Variants in ERC2 observed in about 807,000 individuals in gnomAD.
ERC2 encodes ERC protein 2.
ERC2 carries 42 observed loss-of-function variants against 114.8 expected under a neutral mutation model. That is an observed-to-expected ratio of 0.37 (90% CI 0.29 to 0.47). The LOEUF (loss-of-function observed/expected upper bound fraction) is 0.47. Among genes scored for constraint, ERC2 ranks in the 20% least tolerant of loss-of-function variants. The pLI, the probability that ERC2 is intolerant of heterozygous loss-of-function variation, is 0.99. For missense variants in ERC2, 939 were observed against 1,150.7 expected (o/e 0.82, Z 2.66); for synonymous variants, 454 against 425.5 (o/e 1.07, Z -0.82).
chr3:55,644,047 G>A (rs961516798), intron 17 of ERC2, among the ~76,000 whole-genome samples: 1 of 152,052 alleles, frequency 6.6e-6, no homozygotes. Flanking sequence ...CAGATGCTGA[G>A]GAGGGCAGGG....
At chr3:55,679,692 T>C (rs2061968420) in intron 17 of ERC2, among the ~76,000 whole-genome samples, 1 of 152,236 alleles carries the variant, frequency 6.6e-6, no homozygotes, top group African/African-American at 2.4e-5. Flanking sequence ...GATCCTCAGT[T>C]ATACAAAATC....
chr3:56,053,599 C>T (rs1560095422), intron 7 of ERC2, among the ~76,000 whole-genome samples: 1 of 152,162 alleles, frequency 6.6e-6, no homozygotes, highest in East Asian at 1.9e-4. Context: ...ATTCCCATTG[C>T]TTTTCTATCT....
intron 6 of ERC2, among the ~76,000 whole-genome samples, chr3:56,102,423 C>A (rs939295011): frequency 4.6e-5 from 7 of 152,026 alleles, no homozygotes; most frequent in African/African-American, 1.7e-4. Flanking sequence ...AAAACAAAAC[C>A]AAAAACAAAG....
chr3:55,916,627 T>C (rs2065111294), intron 13 of ERC2, among the ~76,000 whole-genome samples: 1 of 152,162 alleles, frequency 6.6e-6, no homozygotes, highest in Non-Finnish European at 1.5e-5. Context: ...GTAGCTTGCA[T>C]TTGCTGTTCC....
intron 3 of ERC2, among the ~76,000 whole-genome samples, chr3:56,230,665 T>C (rs1000358359): frequency 6.6e-6 from 1 of 152,368 alleles, no homozygotes; most frequent in East Asian, 1.9e-4. Context: ...TTATAATTTA[T>C]GTATTGCAGA....
At chr3:55,892,366 A>G (rs1416790238) in intron 13 of ERC2, among the ~76,000 whole-genome samples, 1 of 152,132 alleles carries the variant, frequency 6.6e-6, no homozygotes, top group African/African-American at 2.4e-5. Context: ...AAAAGTAGAA[A>G]AGAAATGTAG....
At chr3:56,265,504 G>C (rs1055577087) in intron 3 of ERC2, among the ~76,000 whole-genome samples, 14 of 152,056 alleles carry the variant, frequency 9.2e-5, no homozygotes, top group African/African-American at 3.4e-4. Context: ...ATAACACCTA[G>C]AAGAAAATAT....
intron 13 of ERC2, among the ~76,000 whole-genome samples, chr3:55,904,682 T>C (rs184376766): frequency 6.6e-6 from 1 of 152,334 alleles, no homozygotes; most frequent in East Asian, 1.9e-4. Flanking sequence ...TAACTCACTC[T>C]ACTCTTCAGT....
intron 5 of ERC2, among the ~76,000 whole-genome samples, chr3:56,148,209 G>T (rs1326714581): frequency 6.6e-6 from 1 of 152,086 alleles, no homozygotes; most frequent in Non-Finnish European, 1.5e-5. Context: ...TAGGGAAGTT[G>T]AATAATTTAA....
chr3:55,556,890 G>C lies in ERC2; in HGVS notation c.*40-45614C>G, dbSNP rs73830644. Among the ~76,000 whole-genome samples, 1,495 of 152,238 alleles carry C rather than the reference G, an allele frequency of 9.8e-3. 22 individuals are homozygous for C. Among genetic ancestry groups the C allele is most frequent in the African/African-American group, 0.033 (1,389 of 41,536 alleles). On this transcript the variant is annotated intron_variant, in intron 17 of 17. Transcript: ENST00000288221. ...TTGAAAAAGGGAAGAGCTGAATAGG[G>C]GATAGAGAAGAGGCAAAGGCTATGA...
In ERC2 at chr3:55,862,682, T is replaced by C. The variant is rs192190898; in HGVS notation, c.2564+25707A>G. Among the ~76,000 whole-genome samples the C allele has an allele frequency of 2.6e-3, 391 of 152,324 alleles. 2 individuals carry two copies. Among genetic ancestry groups the C allele is most frequent in the African/African-American group, 8.9e-3 (372 of 41,570 alleles). ...AGAGAAAAGAGGATCTCTGGACACTTTGCAGATTTACTTGGACCTATTTAA... is the reference window on the plus strand; with the variant it reads ...AGAGAAAAGAGGATCTCTGGACACTCTGCAGATTTACTTGGACCTATTTAA... On this transcript the variant is annotated intron_variant, in intron 14 of 17. Transcript: ENST00000288221.
At chr3:55,744,228 C>A (rs1425704051) in intron 14 of ERC2, among the ~76,000 whole-genome samples, 1 of 152,070 alleles carries the variant, frequency 6.6e-6, no homozygotes, top group Non-Finnish European at 1.5e-5. Flanking sequence ...CATGGTGAAA[C>A]CCCATCTCTA....
chr3:56,147,887 T>C (rs1382568058), intron 5 of ERC2, among the ~76,000 whole-genome samples: 1 of 152,224 alleles, frequency 6.6e-6, no homozygotes, highest in Admixed American at 6.5e-5. Context: ...AAATAATAAA[T>C]ATTCAGGTGC....
chr3:56,288,458 T>C (rs2054868898), intron 3 of ERC2, among the ~76,000 whole-genome samples: 2 of 152,134 alleles, frequency 1.3e-5, no homozygotes, highest in Non-Finnish European at 2.9e-5. Flanking sequence ...TCAAAATGCC[T>C]TGTGTCTAAT....
At chr3:55,803,560 T>A (rs2059384522) in intron 14 of ERC2, among the ~76,000 whole-genome samples, 1 of 152,124 alleles carries the variant, frequency 6.6e-6, no homozygotes, top group Non-Finnish European at 1.5e-5. Context: ...ATCATTTTTT[T>A]TTCAAGCAAA....
intron 14 of ERC2, among the ~76,000 whole-genome samples, chr3:55,843,302 G>A (rs186994694): frequency 2.0e-5 from 3 of 152,292 alleles, no homozygotes; most frequent in Admixed American, 2.0e-4. Context: ...TTTTTAGGGT[G>A]GCAGAGGGAT....
chr3:56,449,712 G>A (rs1277118021), intron 1 of ERC2, among the ~76,000 whole-genome samples: 1 of 152,142 alleles, frequency 6.6e-6, no homozygotes, highest in African/African-American at 2.4e-5. Flanking sequence ...TGTAAAATGG[G>A]GATATCAGAC....
At chr3:55,760,372 A>AT (rs200304919) in intron 14 of ERC2, among the ~76,000 whole-genome samples, 4,126 of 151,752 alleles carry the variant, frequency 0.027, 71 homozygotes, top group Non-Finnish European at 0.04. Flanking sequence ...CCTCCGTGAT[A>AT]TTTTTTTTTG....
At chr3:55,609,804 C>T (rs1379274717) in intron 17 of ERC2, among the ~76,000 whole-genome samples, 2 of 152,018 alleles carry the variant, frequency 1.3e-5, no homozygotes, top group African/African-American at 4.8e-5. Flanking sequence ...TTATCACAAA[C>T]TAAACATCCT....
Sources: allele counts gnomAD v4.1 joint callset (sites outside exome capture counted in the v4.1 genomes callset), GRCh38; gene constraint gnomAD v4.1.1; transcripts MANE v1.5; gene names NCBI Gene and HGNC (gene_info 2026-07-23, HGNC 2026-07-21).